TNC: variants seen among roughly 807,000 people sequenced by gnomAD.
TNC encodes tenascin.
Under a neutral mutation model 202.4 loss-of-function variants are expected in TNC, and 109 were observed. The observed-to-expected ratio is 0.54, with a 90% confidence interval of 0.46 to 0.63. TNC has a LOEUF of 0.63. Among genes scored for constraint, TNC ranks in the 30% least tolerant of loss-of-function variants. The pLI, the probability that TNC is intolerant of heterozygous loss-of-function variation, is 0.00. For missense variants in TNC, 2,756 were observed against 2,833.3 expected, an observed-to-expected ratio of 0.97 and a Z score of 0.62; for synonymous variants, 1,007 against 1,089.7, an observed-to-expected ratio of 0.92 and a Z score of 1.50.
chr9:115,112,937 C>G (rs893496799), intron 1 of TNC, among the ~76,000 whole-genome samples: 6 of 152,216 alleles, frequency 3.9e-5, no homozygotes, highest in African/African-American at 1.4e-4. Context: ...TTGGGCAGCA[C>G]TTGCTTATGT....
At chr9:115,052,376 G>T (rs113207204) in intron 15 of TNC, among the ~76,000 whole-genome samples, 10 of 151,764 alleles carry the variant, frequency 6.6e-5, no homozygotes, top group African/African-American at 2.4e-4. Flanking sequence ...ATAAGTTTTA[G>T]TGATCTACTG....
intron 25 of TNC, among the ~76,000 whole-genome samples, 179 bp from the exon 26 acceptor site, chr9:115,026,874 G>A (rs1287879497): frequency 2.0e-5 from 3 of 149,456 alleles, no homozygotes; most frequent in Non-Finnish European, 4.5e-5. Context: ...GGTGGGGGTG[G>A]GGGTGGTGGG....
chr9:115,035,883 G>T (rs60347203), intron 21 of TNC: 2 of 527,860 alleles, frequency 3.8e-6, no homozygotes, highest in East Asian at 2.9e-5. Flanking sequence ...TTCCTTCCCC[G>T]TGGGGAGACC....
rs1231434634 is a variant in TNC at position 115,076,508 on chromosome 9, C to T, written c.2742G>A (p.Arg914=). The change falls in exon 8 of 28, where the codon AGG becomes AGA. Residue 914 remains arginine, a synonymous_variant. Coordinates refer to ENST00000350763, the MANE Select transcript of TNC (RefSeq NM_002160.4). ...AACTGTCAATAGCTGCCTTGCCATT[C>T]CTCCATTCCAGGGTGATGCTGTTAT... The part of the protein sequence containing the change: ...QTDNSITLEW[R]NGKAAIDSYR... 6.2e-7 allele frequency: 1 copy of T among 1,614,200 alleles called. No individual in the cohort carries two copies. The highest frequency in any genetic ancestry group is 1.7e-5 in the Admixed American group (1 of 60,036).
At chr9:115,023,553 C>T (rs982317475) in intron 27 of TNC, among the ~76,000 whole-genome samples, 1 of 152,122 alleles carries the variant, frequency 6.6e-6, no homozygotes, top group Admixed American at 6.5e-5. Flanking sequence ...TTGGTTTCTT[C>T]ACAAAAGGAG....
chr9:115,080,215 C>A (rs1475251570), intron 6 of TNC, among the ~76,000 whole-genome samples: 1 of 152,050 alleles, frequency 6.6e-6, no homozygotes, highest in African/African-American at 2.4e-5. Flanking sequence ...AGACAATTCC[C>A]AAATTTAGAT....
chr9:115,106,439 CATTAAT>C (rs1262405650), intron 1 of TNC, among the ~76,000 whole-genome samples: 1 of 152,102 alleles, frequency 6.6e-6, no homozygotes, highest in Non-Finnish European at 1.5e-5. Context: ...AACACAATAT[CATTAAT>C]ATGAATAGAG....
At chr9:115,035,882 C>A in intron 21 of TNC, 1 of 529,466 alleles carries the variant, frequency 1.9e-6, no homozygotes. Flanking sequence ...TTTCCTTCCC[C>A]GTGGGGAGAC....
At chr9:115,116,297 C>T (rs1457294925) in intron 1 of TNC, among the ~76,000 whole-genome samples, 1 of 152,162 alleles carries the variant, frequency 6.6e-6, no homozygotes, top group Admixed American at 6.5e-5. Context: ...TCCAATTTAC[C>T]CTGTTTGAGC....
At chr9:115,058,541 G>T (rs552241205) in intron 14 of TNC, among the ~76,000 whole-genome samples, 2 of 152,282 alleles carry the variant, frequency 1.3e-5, no homozygotes, top group African/African-American at 4.8e-5. Context: ...GGAGGTCCGG[G>T]TGCCTTCAGA....
intron 7 of TNC, 58 bp downstream of exon 7, chr9:115,077,885 G>T: frequency 6.5e-7 from 1 of 1,541,152 alleles, no homozygotes; most frequent in South Asian, 1.2e-5. Context: ...CATGGAGTGG[G>T]ATGGAAATCT....
At chr9:115,104,682 C>G (rs1158763381) in intron 1 of TNC, among the ~76,000 whole-genome samples, 1 of 152,204 alleles carries the variant, frequency 6.6e-6, no homozygotes, top group Non-Finnish European at 1.5e-5. Flanking sequence ...GTTAGTATAT[C>G]TTCTCCTCTT....
intron 2 of TNC, among the ~76,000 whole-genome samples, chr9:115,089,277 A>AT (rs1338246059): frequency 6.6e-6 from 1 of 152,122 alleles, no homozygotes; most frequent in Non-Finnish European, 1.5e-5. Context: ...CATTTTGGTA[A>AT]TTTTTTTCTG....
In TNC at chr9:115,040,925, AAC is replaced by A. The variant is rs759683153; in HGVS notation, c.5392+14_5392+15del. 1.9e-6 allele frequency: 3 copies of A among 1,606,600 alleles called. No individual in the cohort carries two copies. The highest frequency in any genetic ancestry group is 3.4e-5 in the Admixed American group (2 of 59,440). Reference sequence around the variant, plus strand: ...AATAGTAACACACACACACACACACAACCCCACCAACTCACCTGTGGTGAATG... The same window carrying A: ...AATAGTAACACACACACACACACACACCCACCAACTCACCTGTGGTGAATG... On this transcript the variant is annotated intron_variant, in intron 19 of 27. Transcript: ENST00000350763.
chr9:115,070,075 G>A (rs1449428225), intron 10 of TNC, among the ~76,000 whole-genome samples: 1 of 151,962 alleles, frequency 6.6e-6, no homozygotes, highest in Non-Finnish European at 1.5e-5. Flanking sequence ...GGATTCAGCA[G>A]TGGATGATGG....
intron 1 of TNC, among the ~76,000 whole-genome samples, chr9:115,100,686 T>A (rs1836159269): frequency 6.6e-6 from 1 of 152,178 alleles, no homozygotes; most frequent in South Asian, 2.1e-4. Flanking sequence ...TAATAATGCA[T>A]TGTATACTTC....
At chr9:115,021,698 G>A (rs1323231611) in intron 27 of TNC, among the ~76,000 whole-genome samples, 1 of 152,166 alleles carries the variant, frequency 6.6e-6, no homozygotes, top group Non-Finnish European at 1.5e-5. Context: ...ATTTTGATAG[G>A]GGTTTGGTAT....
intron 3 of TNC, among the ~76,000 whole-genome samples, chr9:115,085,130 A>G (rs1297542013): frequency 1.3e-5 from 2 of 152,186 alleles, no homozygotes; most frequent in African/African-American, 4.8e-5. Context: ...ATGAGCATTA[A>G]TTTTCTCTCC....
At position 115,087,704 on chromosome 9, in the gene TNC, T is replaced by C. The variant is rs2094791; in HGVS notation, c.458-431A>G. On this transcript the variant is annotated intron_variant, in intron 2 of 27. Coordinates refer to ENST00000350763, the MANE Select transcript of TNC (RefSeq NM_002160.4). ...GTTACTATTTCTTTCTTTTCTTTTT[T>C]TTTTTTTTTTTTTTTGAGACAGAGT... Among the ~76,000 whole-genome samples the C allele has an allele frequency of 6.4e-3, 678 of 105,392 alleles. 6 individuals carry two copies. Among genetic ancestry groups the C allele is most frequent in the Admixed American group, 0.014 (131 of 9,690 alleles). The allele number at this position is 105,392 out of a possible 152,430, so 69.1% of individuals were successfully genotyped here.
Sources: allele counts gnomAD v4.1 joint callset (sites outside exome capture counted in the v4.1 genomes callset), GRCh38; gene constraint gnomAD v4.1.1; transcripts MANE v1.5; gene names NCBI Gene and HGNC (gene_info 2026-07-23, HGNC 2026-07-21).